DCAF8L2: variants seen among roughly 807,000 people sequenced by gnomAD.
DCAF8L2 encodes DDB1 and CUL4 associated factor 8 like 2.
For synonymous variants in DCAF8L2, 200 were observed against 190.9 expected (o/e 1.05, Z -0.39); for missense variants, 430 against 490.7 (o/e 0.88, Z 1.17).
intron 1 of DCAF8L2, among the ~76,000 whole-genome samples, chrX:27,628,677 C>T (rs1163024992): frequency 9.3e-6 from 1 of 107,834 alleles, no homozygotes; most frequent in Non-Finnish European, 1.9e-5. Context: ...GATCTCGGCT[C>T]ACTGCAAGCT....
chrX:27,616,535 TA>T (rs1156600784), intron 1 of DCAF8L2, among the ~76,000 whole-genome samples: 3 of 111,572 alleles, frequency 2.7e-5, no homozygotes, highest in Non-Finnish European at 5.7e-5. Context: ...TTTAAGCTGA[TA>T]GGGGAATTTA....
the DCAF8L2 span, among the ~76,000 whole-genome samples, chrX:27,503,362 G>C: frequency 9.0e-6 from 1 of 110,933 alleles, no homozygotes; most frequent in Non-Finnish European, 1.9e-5. Flanking sequence ...TCATGTCTAA[G>C]AACTCTTTGC....
At chrX:27,607,658 C>T (rs1386016974) in intron 1 of DCAF8L2, among the ~76,000 whole-genome samples, 3 of 112,019 alleles carry the variant, frequency 2.7e-5, no homozygotes, top group East Asian at 5.6e-4. Context: ...TGGTTTTTAA[C>T]TCAGTGGACG....
the DCAF8L2 span, among the ~76,000 whole-genome samples, chrX:27,569,488 T>G: frequency 1.8e-5 from 2 of 112,089 alleles, no homozygotes; most frequent in Non-Finnish European, 3.8e-5. Context: ...TTTGTTTTGT[T>G]TTGTTTCTAT....
Position 27,747,327 on chromosome X carries a change from GGAA to G in DCAF8L2, c.439_441del (p.Glu147del), listed in dbSNP as rs759521005. On this transcript the variant is annotated inframe_deletion, in exon 5 of 5. Coordinates refer to ENST00000451261, the MANE Select transcript of DCAF8L2 (RefSeq NM_001353450.2). Reference sequence around the variant, plus strand: ...AGGAGGAGGAGGAGGAGGAGGAGGAGGAAGAAGAACAGCCTCGGGCGGGTCCAC... The same window carrying G: ...AGGAGGAGGAGGAGGAGGAGGAGGAGGAAGAACAGCCTCGGGCGGGTCCAC... The G allele has an allele frequency of 6.2e-5, 69 of 1,121,646 alleles. No individual in the cohort carries two copies. The highest frequency in any genetic ancestry group is 3.7e-4 in the South Asian group (18 of 48,931). 92.4% of individuals were successfully genotyped at this position (1,121,646 alleles called of 1,213,427 possible). A position where few individuals can be genotyped will look rare whatever the true frequency, so the allele number is the denominator to read the frequency against.
chrX:27,689,275 G>A (rs746996779), intron 3 of DCAF8L2, among the ~76,000 whole-genome samples: 7 of 112,040 alleles, frequency 6.2e-5, no homozygotes, highest in African/African-American at 1.3e-4. Context: ...ATGGAGTCTC[G>A]CTCAGTCACT....
At chrX:27,512,415 A>G in the DCAF8L2 span, among the ~76,000 whole-genome samples, 6 of 111,086 alleles carry the variant, frequency 5.4e-5, no homozygotes, top group African/African-American at 2.0e-4. Flanking sequence ...TACCAATGAC[A>G]GCTCATGCCT....
At chrX:27,730,260 ATTTG>A (rs1229546175) in intron 4 of DCAF8L2, among the ~76,000 whole-genome samples, 1 of 111,323 alleles carries the variant, frequency 9.0e-6, no homozygotes, top group Non-Finnish European at 1.9e-5. Flanking sequence ...TATATTATTT[ATTTG>A]TTTGTTTGCT....
intron 2 of DCAF8L2, among the ~76,000 whole-genome samples, chrX:27,669,941 C>T (rs1228005792): frequency 9.0e-6 from 1 of 111,571 alleles, no homozygotes; most frequent in Non-Finnish European, 1.9e-5. Flanking sequence ...CATACGTGTG[C>T]ATGTGTCTTT....
At chrX:27,654,149 A>G (rs937975808) in intron 2 of DCAF8L2, among the ~76,000 whole-genome samples, 3 of 111,261 alleles carry the variant, frequency 2.7e-5, no homozygotes, top group Admixed American at 1.9e-4. Flanking sequence ...CCTCTCTGGC[A>G]TGATTAAGTA....
At chrX:27,550,178 A>G in the DCAF8L2 span, among the ~76,000 whole-genome samples, 1 of 112,333 alleles carries the variant, frequency 8.9e-6, no homozygotes, top group South Asian at 3.7e-4. Flanking sequence ...TTGGCAGGCA[A>G]TAAGTAGCTT....
At chrX:27,548,943 G>A in the DCAF8L2 span, among the ~76,000 whole-genome samples, 34 of 111,421 alleles carry the variant, frequency 3.1e-4, no homozygotes, top group Admixed American at 2.2e-3. Context: ...AATTTGGAAG[G>A]TCTTGAAATT....
the DCAF8L2 span, among the ~76,000 whole-genome samples, chrX:27,492,905 A>G: frequency 8.9e-6 from 1 of 112,183 alleles, no homozygotes; most frequent in Admixed American, 9.4e-5. Context: ...GTTGTTTTCT[A>G]TATTTTTTAT....
At chrX:27,662,867 C>G (rs764899630) in intron 2 of DCAF8L2, among the ~76,000 whole-genome samples, 1 of 111,360 alleles carries the variant, frequency 9.0e-6, no homozygotes, top group Admixed American at 9.6e-5. Context: ...ATCTGATGCA[C>G]AGAAGTTCAG....
intron 3 of DCAF8L2, among the ~76,000 whole-genome samples, chrX:27,713,946 G>A (rs1931612618): frequency 8.9e-6 from 1 of 111,740 alleles, no homozygotes; most frequent in African/African-American, 3.2e-5. Context: ...GAGATTATCA[G>A]TTGATCAAAA....
At chrX:27,698,060 C>T (rs1349293223) in intron 3 of DCAF8L2, among the ~76,000 whole-genome samples, 1 of 108,697 alleles carries the variant, frequency 9.2e-6, no homozygotes, top group Admixed American at 9.7e-5. Context: ...GTTTCCTTGT[C>T]ATTTATGCAG....
intron 1 of DCAF8L2, among the ~76,000 whole-genome samples, chrX:27,599,816 T>G (rs998051119): frequency 4.5e-5 from 5 of 111,831 alleles, no homozygotes; most frequent in Non-Finnish European, 7.5e-5. Context: ...AAACAATTCA[T>G]TATTATACAA....
the DCAF8L2 span, among the ~76,000 whole-genome samples, chrX:27,540,690 A>G: frequency 9.0e-6 from 1 of 111,570 alleles, no homozygotes; most frequent in Non-Finnish European, 1.9e-5. Flanking sequence ...AATTTATTGC[A>G]TATTTTCAAA....
chrX:27,674,722 C>T (rs147044635), intron 2 of DCAF8L2, among the ~76,000 whole-genome samples: 1 of 111,598 alleles, frequency 9.0e-6, no homozygotes, highest in South Asian at 3.7e-4. Flanking sequence ...AATGATGCCA[C>T]CCATACTCCC....
Sources: gnomAD v4.1 joint callset for allele counts (sites outside exome capture counted in the v4.1 genomes callset) on GRCh38, gnomAD v4.1.1 for gene constraint, MANE v1.5 for transcripts, NCBI Gene and HGNC (gene_info 2026-07-23, HGNC 2026-07-21) for gene names.